ATAD2B: variants seen among roughly 807,000 people sequenced by gnomAD.
ATAD2B encodes the protein ATPase family AAA domain containing 2B, also known as ATPase family AAA domain-containing protein 2B.
Under a neutral mutation model 167.6 loss-of-function variants are expected in ATAD2B, and 40 were observed. That is an observed-to-expected ratio of 0.24 (90% CI 0.19 to 0.31). The LOEUF (loss-of-function observed/expected upper bound fraction) is 0.31. Among genes scored for constraint, ATAD2B ranks in the 10% least tolerant of loss-of-function variants. The pLI, the probability that ATAD2B is intolerant of heterozygous loss-of-function variation, is 1.00. For synonymous variants in ATAD2B, 579 were observed against 596.5 expected (o/e 0.97, Z 0.43); for missense variants, 1,242 against 1,757.2 (o/e 0.71, Z 5.24).
At chr2:23,743,079 A>G in the ATAD2B span, among the ~76,000 whole-genome samples, 1 of 151,998 alleles carries the variant, frequency 6.6e-6, no homozygotes, top group East Asian at 1.9e-4. Context: ...GCAATACAGG[A>G]TATAAATGAG....
rs1394584446 is a variant in ATAD2B at position 23,901,504 on chromosome 2, G to A, written c.217-5534C>T. 2.0e-5 allele frequency among the ~76,000 whole-genome samples: 3 copies of A among 151,950 alleles called. No homozygotes were observed. In the East Asian group the frequency reaches 5.8e-4, roughly 29 times the overall value. ...ATATTTATCATCTTTAAAGTGTCAT[G>A]TCCAAGTCTTGAAATTCTAGCAAGA... is the stretch of plus-strand genomic sequence containing the variant. On this transcript the variant is annotated intron_variant, in intron 1 of 27. Coordinates refer to ENST00000238789, the MANE Select transcript of ATAD2B (RefSeq NM_017552.4).
chr2:23,825,875 T>C (rs1417578443), intron 15 of ATAD2B, among the ~76,000 whole-genome samples: 1 of 152,222 alleles, frequency 6.6e-6, no homozygotes, highest in African/African-American at 2.4e-5. Flanking sequence ...CCACAACATG[T>C]TAATTACATA....
chr2:23,895,684 A>G (rs1026462523), intron 2 of ATAD2B, 135 bp downstream of exon 2: 8 of 543,288 alleles, frequency 1.5e-5, no homozygotes, highest in East Asian at 6.8e-5. Context: ...AAATTATAAA[A>G]TAAGTTTAAT....
intron 19 of ATAD2B, among the ~76,000 whole-genome samples, chr2:23,791,059 A>T (rs1428701669): frequency 1.3e-5 from 2 of 152,206 alleles, no homozygotes; most frequent in African/African-American, 4.8e-5. Context: ...TACAACTGAC[A>T]GTCTTTTATG....
At chr2:23,807,822 A>ATATAT (rs1252139455) in intron 18 of ATAD2B, among the ~76,000 whole-genome samples, 2 of 126,220 alleles carry the variant, frequency 1.6e-5, no homozygotes, top group South Asian at 2.3e-4. Context: ...TCTTAAAAAA[A>ATATAT]AAAAAAATAT....
chr2:23,907,671 C>T (rs1012140309), intron 1 of ATAD2B, among the ~76,000 whole-genome samples: 3 of 152,104 alleles, frequency 2.0e-5, no homozygotes, highest in Non-Finnish European at 4.4e-5. Context: ...AAAAGAGCCC[C>T]CATTGCCAAG....
chr2:23,863,763 G>C (rs574645479), intron 11 of ATAD2B, among the ~76,000 whole-genome samples: 18 of 152,278 alleles, frequency 1.2e-4, no homozygotes, highest in African/African-American at 3.6e-4. Flanking sequence ...ATAAAGTACA[G>C]AGTAATTTGG....
At chr2:23,684,120 C>T in the ATAD2B span, among the ~76,000 whole-genome samples, 1 of 152,132 alleles carries the variant, frequency 6.6e-6, no homozygotes, top group East Asian at 1.9e-4. The surrounding 1 kb of genome is among the most constrained non-coding windows in gnomAD (Gnocchi z 4.4). Flanking sequence ...TCTCCCCCAA[C>T]CTTTCAATTT....
At chr2:23,806,149 A>G (rs971843891) in intron 18 of ATAD2B, 2 of 152,206 alleles carry the variant, frequency 1.3e-5, no homozygotes, top group Non-Finnish European at 2.9e-5. Context: ...ACTTTCACAC[A>G]TAAGATAATA....
chr2:23,780,137 T>G (rs1251556637), intron 22 of ATAD2B, among the ~76,000 whole-genome samples: 1 of 151,780 alleles, frequency 6.6e-6, no homozygotes, highest in Non-Finnish European at 1.5e-5. Context: ...ATTACCCAGC[T>G]ACCAGGAGGC....
chr2:23,863,781 T>C (rs935586834), intron 11 of ATAD2B, among the ~76,000 whole-genome samples: 1 of 152,202 alleles, frequency 6.6e-6, no homozygotes, highest in Non-Finnish European at 1.5e-5. Context: ...TGGCAAGATA[T>C]ATAGAAATTT....
chr2:23,790,415 G>T (rs143709655), intron 19 of ATAD2B, among the ~76,000 whole-genome samples: 1 of 152,096 alleles, frequency 6.6e-6, no homozygotes, highest in Admixed American at 6.5e-5. Context: ...CCACGATTTC[G>T]TTCAAGAATG....
chr2:23,724,194 T>G, the ATAD2B span, among the ~76,000 whole-genome samples: 1 of 152,108 alleles, frequency 6.6e-6, no homozygotes, highest in South Asian at 2.1e-4. Flanking sequence ...GAGGAATAGG[T>G]TCTAATGTTC....
intron 13 of ATAD2B, among the ~76,000 whole-genome samples, chr2:23,852,155 T>C (rs1233371534): frequency 6.6e-6 from 1 of 152,238 alleles, no homozygotes; most frequent in Non-Finnish European, 1.5e-5. Context: ...ATTTAACTTG[T>C]AATCAAAAAC....
At chr2:23,798,940 G>A (rs1044906846) in intron 18 of ATAD2B, among the ~76,000 whole-genome samples, 3 of 152,122 alleles carry the variant, frequency 2.0e-5, no homozygotes. Context: ...AGAGCTCTGC[G>A]ACACTTCCAT....
At chr2:23,684,748 ACAGCTTTGCTGTCAC>A in the ATAD2B span, among the ~76,000 whole-genome samples, 3,791 of 151,622 alleles carry the variant, frequency 0.025, 94 homozygotes, top group African/African-American at 0.056. This position sits in a 1 kb window ranked among gnomAD's most constrained non-coding sequence, Gnocchi z 4.4. Flanking sequence ...GCCCCCACCC[ACAGCTTTGCTGTCAC>A]CAGCTTTGCT....
intron 2 of ATAD2B, among the ~76,000 whole-genome samples, chr2:23,890,912 G>T (rs1037583650): frequency 1.3e-5 from 2 of 151,938 alleles, no homozygotes; most frequent in Non-Finnish European, 2.9e-5. Flanking sequence ...TTGATCCAAT[G>T]ACCTTATAGT....
intron 13 of ATAD2B, among the ~76,000 whole-genome samples, chr2:23,844,814 G>C (rs1401459980): frequency 6.6e-6 from 1 of 151,696 alleles, no homozygotes; most frequent in Non-Finnish European, 1.5e-5. Flanking sequence ...GGGGACGACA[G>C]AAAAAATAAT....
chr2:23,898,185 C>G (rs1024552807), intron 1 of ATAD2B, among the ~76,000 whole-genome samples: 2 of 152,130 alleles, frequency 1.3e-5, no homozygotes, highest in African/African-American at 4.8e-5. Context: ...TCAAGCAATG[C>G]GCCCACCTCA....
Sources: allele counts gnomAD v4.1 joint callset (sites outside exome capture counted in the v4.1 genomes callset), GRCh38; gene constraint gnomAD v4.1.1; non-coding constraint Gnocchi (gnomAD v3.1); transcripts MANE v1.5; gene names NCBI Gene and HGNC (gene_info 2026-07-23, HGNC 2026-07-21).